The following KAZN variants were observed in gnomAD, a reference collection of about 807,000 sequenced individuals.
KAZN encodes kazrin.
In KAZN, 40 loss-of-function variants were observed where a neutral mutation model predicts 87.4. That is an observed-to-expected ratio of 0.46 (90% confidence interval 0.36 to 0.60). The LOEUF is 0.60. KAZN is among the 20% of genes least tolerant of loss of function. KAZN has a pLI of 0.00. For synonymous variants in KAZN, 466 were observed against 458.3 expected (o/e 1.02, Z -0.22); for missense variants, 898 against 1,073.9 (o/e 0.84, Z 2.29).
chr1:14,127,901 G>A (rs1644909620), intron 1 of KAZN, among the ~76,000 whole-genome samples: 1 of 152,188 alleles, frequency 6.6e-6, no homozygotes, highest in Admixed American at 6.5e-5. Context: ...GTGTGGGAAT[G>A]TTGTGAGGTC....
intron 2 of KAZN, among the ~76,000 whole-genome samples, chr1:14,440,687 A>G (rs1666649166): frequency 6.6e-6 from 1 of 152,196 alleles, no homozygotes; most frequent in Admixed American, 6.5e-5. Flanking sequence ...TAGGAATTTC[A>G]AGGCAGCCAC....
intron 2 of KAZN, among the ~76,000 whole-genome samples, chr1:14,405,607 TG>T (rs1663779592): frequency 1.4e-4 from 2 of 14,352 alleles, no homozygotes; most frequent in South Asian, 2.6e-3. Flanking sequence ...CCCAATAAAA[TG>T]TGTGTGTGTG....
At chr1:14,038,711 A>T (rs1001523195) in intron 1 of KAZN, among the ~76,000 whole-genome samples, 1 of 152,198 alleles carries the variant, frequency 6.6e-6, no homozygotes, top group African/African-American at 2.4e-5. Flanking sequence ...GCCTTAGGTC[A>T]TACCTGTGAT....
intron 1 of KAZN, among the ~76,000 whole-genome samples, chr1:14,791,983 T>C (rs781129148): frequency 1.3e-5 from 2 of 152,192 alleles, no homozygotes; most frequent in Non-Finnish European, 2.9e-5. Flanking sequence ...GGGACTTCAG[T>C]TGGCACCACT....
chr1:14,448,265 A>G (rs1048111109), intron 2 of KAZN, among the ~76,000 whole-genome samples: 3 of 152,254 alleles, frequency 2.0e-5, no homozygotes, highest in Non-Finnish European at 4.4e-5. Flanking sequence ...GAGCAGGGAC[A>G]TGACCTCTGA....
chr1:14,825,942 C>T (rs112881073), intron 1 of KAZN, among the ~76,000 whole-genome samples: 8,447 of 152,272 alleles, frequency 0.055, 361 homozygotes, highest in Non-Finnish European at 0.082. Flanking sequence ...AAGGCCAGCA[C>T]GTAGCAGGTG....
intron 2 of KAZN, among the ~76,000 whole-genome samples, chr1:14,367,384 A>G (rs79792879): frequency 0.022 from 3,319 of 151,954 alleles, 115 homozygotes; most frequent in African/African-American, 0.076. Context: ...CTTCTCTCCA[A>G]TGTCCAACTG....
At chr1:14,521,215 C>T (rs1164711885) in intron 2 of KAZN, among the ~76,000 whole-genome samples, 2 of 152,280 alleles carry the variant, frequency 1.3e-5, no homozygotes, top group East Asian at 1.9e-4. Flanking sequence ...GCCCCCAAAA[C>T]GCCAGTCAGC....
intron 2 of KAZN, among the ~76,000 whole-genome samples, chr1:14,239,709 C>G (rs964633565): frequency 6.6e-6 from 1 of 151,904 alleles, no homozygotes; most frequent in Admixed American, 6.6e-5. Flanking sequence ...ATCCATGTGT[C>G]TCAGCCTCCC....
intron 2 of KAZN, among the ~76,000 whole-genome samples, chr1:14,565,996 T>C (rs1169224674): frequency 6.6e-6 from 1 of 152,212 alleles, no homozygotes; most frequent in African/African-American, 2.4e-5. Flanking sequence ...TGTTTTGACC[T>C]TCTCCCATGA....
At chr1:15,075,808 T>C (rs1026075260) in intron 8 of KAZN, among the ~76,000 whole-genome samples, 4 of 152,208 alleles carry the variant, frequency 2.6e-5, no homozygotes, top group Non-Finnish European at 5.9e-5. Flanking sequence ...ATTATTTTCC[T>C]GCTCTCCTAG....
At chr1:14,908,873 G>C (rs1656905722) in intron 1 of KAZN, among the ~76,000 whole-genome samples, 1 of 152,034 alleles carries the variant, frequency 6.6e-6, no homozygotes, top group Non-Finnish European at 1.5e-5. Flanking sequence ...AAATTAGCCA[G>C]GTGTGGTGGC....
chr1:14,808,545 A>C (rs1646301825), intron 1 of KAZN, among the ~76,000 whole-genome samples: 1 of 150,910 alleles, frequency 6.6e-6, no homozygotes, highest in Non-Finnish European at 1.5e-5. Context: ...TGATCCACCC[A>C]CCTCAGCCTC....
intron 1 of KAZN, among the ~76,000 whole-genome samples, chr1:13,910,517 A>AGT (rs566356718): frequency 6.7e-6 from 1 of 150,330 alleles, no homozygotes; most frequent in African/African-American, 2.4e-5. Context: ...AAAAAAAAAA[A>AGT]GTGTGTGTGA....
intron 13 of KAZN, among the ~76,000 whole-genome samples, chr1:15,110,177 ATGTGTGTTGTG>A (rs1297686398): frequency 1.0e-5 from 1 of 98,166 alleles, no homozygotes; most frequent in Non-Finnish European, 2.2e-5. Context: ...GTGTGTGTAT[ATGTGTGTTGTG>A]TATGTGTGTA....
intron 1 of KAZN, among the ~76,000 whole-genome samples, chr1:14,871,881 G>A (rs368344650): frequency 3.9e-5 from 6 of 152,022 alleles, no homozygotes; most frequent in South Asian, 4.2e-4. Flanking sequence ...AAGGTGACCC[G>A]GGAGAATGGG....
intron 2 of KAZN, among the ~76,000 whole-genome samples, chr1:14,333,590 C>T (rs1389373744): frequency 6.6e-6 from 1 of 152,086 alleles, no homozygotes; most frequent in East Asian, 1.9e-4. Flanking sequence ...CCTGAAGGGG[C>T]TGATATTCTA....
chr1:14,557,638 GTGTGTGT>G, intron 2 of KAZN, among the ~76,000 whole-genome samples: 1 of 135,246 alleles, frequency 7.4e-6, no homozygotes, highest in African/African-American at 2.9e-5. Context: ...GGGTGTGTGT[GTGTGTGT>G]GTGTGTGTGT....
intron 1 of KAZN, among the ~76,000 whole-genome samples, chr1:14,837,587 C>T (rs1413520594): frequency 1.5e-5 from 2 of 132,688 alleles, no homozygotes; most frequent in African/African-American, 2.9e-5. Context: ...GGGTCTTGCT[C>T]TGTCACCCAG....
Sources: gnomAD v4.1 joint callset for allele counts (sites outside exome capture counted in the v4.1 genomes callset) on GRCh38, gnomAD v4.1.1 for gene constraint, MANE v1.5 for transcripts, NCBI Gene and HGNC (gene_info 2026-07-23, HGNC 2026-07-21) for gene names.